ZNF136: variants seen among roughly 807,000 people sequenced by gnomAD.
The protein encoded by ZNF136 is zinc finger protein 136.
In ZNF136, 8 loss-of-function variants were observed where a neutral mutation model predicts 11.4. The ratio of observed to expected loss-of-function variants is 0.70; its 90% CI spans 0.41 to 1.27. The LOEUF is 1.27. Among genes scored for constraint, ZNF136 ranks in the 50% most tolerant of loss-of-function variants. The pLI, the probability that ZNF136 is intolerant of heterozygous loss-of-function variation, is 0.01. For missense variants in ZNF136, 590 were observed against 656.5 expected, an observed-to-expected ratio of 0.90 and a Z score of 1.11; for synonymous variants, 190 against 207.1, an observed-to-expected ratio of 0.92 and a Z score of 0.71.
In ZNF136 at chr19:12,166,236, AAAG is replaced by A. The variant is rs373277200; in HGVS notation, c.3+3033_3+3035del. On this transcript the variant is annotated intron_variant, in intron 1 of 3. Transcript: ENST00000343979. The stretch of plus-strand genomic sequence containing the variant: ...GAGCAAGACTCCGTCTCAAAAAAAA[AAAG>A]AAAAAAAATTTAAACTGCTTAACAA... 2.2e-3 allele frequency among the ~76,000 whole-genome samples: 331 copies of A among 152,230 alleles called. 1 individual carries two copies. The highest frequency in any genetic ancestry group is 7.4e-3 in the African/African-American group (309 of 41,490).
At chr19:12,169,342 T>G (rs766488612) in intron 1 of ZNF136, 3 of 152,282 alleles carry the variant, frequency 2.0e-5, no homozygotes, top group Non-Finnish European at 4.4e-5. Flanking sequence ...CTGGTGAGAA[T>G]TAAGACCCTG....
In ZNF136 at chr19:12,174,156, C is replaced by T. The variant is rs566184976; in HGVS notation, c.3+10950C>T. ...CTGGCCTCAGGTGATCTGCCCGCCTCGGCCTCCCAAAGTGCTGAGATTACA... is the reference window on the plus strand; with the variant it reads ...CTGGCCTCAGGTGATCTGCCCGCCTTGGCCTCCCAAAGTGCTGAGATTACA... On this transcript the variant is annotated intron_variant, in intron 1 of 3. Coordinates refer to ENST00000343979, the MANE Select transcript of ZNF136 (RefSeq NM_003437.5). 1.6e-4 allele frequency among the ~76,000 whole-genome samples: 24 copies of T among 152,278 alleles called. 1 individual carries two copies. In the South Asian group the frequency reaches 3.7e-3, roughly 24 times the overall value.
At position 12,189,703 on chromosome 19, in the gene ZNF136, AGTT is replaced by A. The variant is rs1170118456; in HGVS notation, c.*1709_*1711del. Reference sequence around the variant, plus strand: ...AATTTTATTTTGCTTCCTATTAAAGAGTTGTTGTTAATTCTAAGTATGTAAAGT... The same window carrying A: ...AATTTTATTTTGCTTCCTATTAAAGAGTTGTTAATTCTAAGTATGTAAAGT... On this transcript the variant is annotated 3_prime_UTR_variant, in exon 4 of 4. Transcript: ENST00000343979. 1.3e-5 allele frequency: 2 copies of A among 151,574 alleles called. No homozygotes were observed. The highest frequency in any genetic ancestry group is 2.4e-5 in the African/African-American group (1 of 41,196). 9.4% of individuals were successfully genotyped at this position (151,574 alleles called of 1,614,324 possible). A position where few individuals can be genotyped will look rare whatever the true frequency, so the allele number is the denominator to read the frequency against.
chr19:12,180,910 A>T (rs1450805533), intron 1 of ZNF136, among the ~76,000 whole-genome samples: 1 of 152,250 alleles, frequency 6.6e-6, no homozygotes, highest in Non-Finnish European at 1.5e-5. Flanking sequence ...CTGTTGAAAC[A>T]TCTTAAGTGT....
chr19:12,186,648 G>T lies in ZNF136; in HGVS notation c.270G>T (p.Gln90His). The T allele has an allele frequency of 1.2e-6, 2 of 1,614,126 alleles. No homozygotes were observed. Among genetic ancestry groups the T allele is most frequent in the Non-Finnish European group, 1.7e-6 (2 of 1,179,994 alleles). Reference sequence around the variant, plus strand: ...GAATTTTTAGCCAGTTTGCAAATCAGAATCTGAGCAAGAAAATCCCTGGAG... The same window carrying T: ...GAATTTTTAGCCAGTTTGCAAATCATAATCTGAGCAAGAAAATCCCTGGAG... ...RGGIFSQFANQNLSKKIPGVK... is the reference protein window; with the variant it reads ...RGGIFSQFANHNLSKKIPGVK... The change falls in exon 4 of 4, where the codon CAG becomes CAT. Residue 90 changes from glutamine (Q) to histidine (H), a missense_variant. Physicochemically the swap from Gln to His is conservative, Grantham distance 24. Transcript: ENST00000343979.
Position 12,185,784 on chromosome 19 carries a change from G to T in ZNF136, c.4-1G>T. The T allele has an allele frequency of 6.2e-7, 1 of 1,613,038 alleles. No individual in the cohort carries two copies. Among genetic ancestry groups the T allele is most frequent in the Non-Finnish European group, 8.5e-7 (1 of 1,179,700 alleles). Reference sequence around the variant, plus strand: ...CTCTCCACATATGTGGGATGTTTCAGGACTCGGTGGCTTTTGAGGATGTAG... The same window carrying T: ...CTCTCCACATATGTGGGATGTTTCATGACTCGGTGGCTTTTGAGGATGTAG... On this transcript the variant is annotated splice_acceptor_variant, in intron 1 of 3. Coordinates refer to ENST00000343979, the MANE Select transcript of ZNF136 (RefSeq NM_003437.5). LOFTEE classifies it high-confidence loss of function.
intron 1 of ZNF136, among the ~76,000 whole-genome samples, chr19:12,168,770 G>A (rs1312642399): frequency 6.6e-6 from 1 of 151,902 alleles, no homozygotes; most frequent in Non-Finnish European, 1.5e-5. Context: ...CCACCTCCCG[G>A]GTTCAAGCGA....
chr19:12,187,687 A>G lies in ZNF136; in HGVS notation c.1309A>G (p.Ile437Val). The change falls in exon 4 of 4, where the codon ATA becomes GTA. Residue 437 changes from isoleucine (I) to valine (V), a missense_variant. By Grantham distance (29) the Ile-to-Val change is conservative. Transcript: ENST00000343979. ...KAFVSSTSIR[I>V]HERTHTGEKP... Reference sequence around the variant, plus strand: ...TTTCGTTTCTTCAACATCAATTCGAATACATGAAAGAACTCATACTGGAGA... The same window carrying G: ...TTTCGTTTCTTCAACATCAATTCGAGTACATGAAAGAACTCATACTGGAGA... 1 of 1,614,138 alleles carries G rather than the reference A, an allele frequency of 6.2e-7. No individual in the cohort carries two copies. Among genetic ancestry groups the G allele is most frequent in the South Asian group, 1.1e-5 (1 of 91,080 alleles).
intron 1 of ZNF136, among the ~76,000 whole-genome samples, chr19:12,179,871 A>AT (rs879492095): frequency 1.6e-3 from 231 of 147,126 alleles, no homozygotes; most frequent in African/African-American, 2.8e-3. Context: ...ACTATTGATA[A>AT]TTTTTTTTTT....
chr19:12,185,504 A>C, intron 1 of ZNF136: 1 of 278,354 alleles, frequency 3.6e-6, no homozygotes, highest in South Asian at 6.5e-5. Flanking sequence ...GACAGGTTCT[A>C]CAGGTCCACT....
chr19:12,177,788 A>G (rs1914838415), intron 1 of ZNF136, among the ~76,000 whole-genome samples: 1 of 152,202 alleles, frequency 6.6e-6, no homozygotes, highest in South Asian at 2.1e-4. Flanking sequence ...CTTTTCAGAA[A>G]TGTCTGTTTA....
chr19:12,181,036 C>T (rs1914926995), intron 1 of ZNF136, among the ~76,000 whole-genome samples: 7 of 152,220 alleles, frequency 4.6e-5, no homozygotes, highest in Admixed American at 4.6e-4. Flanking sequence ...TGCCCCCAAC[C>T]TCACCCCACC....
At chr19:12,166,056 C>T (rs536451892) in intron 1 of ZNF136, among the ~76,000 whole-genome samples, 3 of 152,094 alleles carry the variant, frequency 2.0e-5, no homozygotes, top group South Asian at 2.1e-4. Context: ...GGTGAAAACT[C>T]GTCTCTGCTA....
chr19:12,177,438 G>C (rs1914829746), intron 1 of ZNF136, among the ~76,000 whole-genome samples: 1 of 152,096 alleles, frequency 6.6e-6, no homozygotes, highest in African/African-American at 2.4e-5. Context: ...TACCTCCCGG[G>C]TCCCAGTTCA....
intron 1 of ZNF136, among the ~76,000 whole-genome samples, chr19:12,179,424 C>T (rs1351818528): frequency 6.6e-6 from 1 of 151,800 alleles, no homozygotes; most frequent in Non-Finnish European, 1.5e-5. Context: ...TATTCTCCTG[C>T]CTCACCCTCC....
chr19:12,164,591 T>C (rs1425625288), intron 1 of ZNF136: 1 of 152,270 alleles, frequency 6.6e-6, no homozygotes, highest in Non-Finnish European at 1.5e-5. Context: ...TACAGGCGCA[T>C]GCCACCACGC....
intron 1 of ZNF136, among the ~76,000 whole-genome samples, chr19:12,182,083 C>T (rs1041288482): frequency 2.0e-5 from 3 of 152,188 alleles, no homozygotes; most frequent in African/African-American, 7.2e-5. Context: ...ACTATTTGTC[C>T]TTCCTTCTCC....
chr19:12,186,431 T>C, intron 3 of ZNF136, 139 bp from the exon 4 acceptor site: 1 of 832,162 alleles, frequency 1.2e-6, no homozygotes, highest in Non-Finnish European at 1.8e-6. Context: ...TGCAGAGCAT[T>C]GAATTCATTC....
chr19:12,189,360 T>A lies in ZNF136; in HGVS notation c.*1359T>A, dbSNP rs1915198192. The A allele has an allele frequency of 6.6e-6, 1 of 152,246 alleles. No individual in the cohort carries two copies. The highest frequency in any genetic ancestry group is 2.4e-5 in the African/African-American group (1 of 41,446). The allele number at this position is 152,246 out of a possible 1,614,324, so 9.4% of individuals were successfully genotyped here. A position where few individuals can be genotyped will look rare whatever the true frequency, so the allele number is the denominator to read the frequency against. ...TTTTTCTTTTTTCTTTCTTCTTTTT[T>A]CTTTTTGAGACAGGGTCTCGCTCTG... On this transcript the variant is annotated 3_prime_UTR_variant, in exon 4 of 4. Transcript: ENST00000343979.
Sources: allele counts gnomAD v4.1 joint callset (sites outside exome capture counted in the v4.1 genomes callset), GRCh38; gene constraint gnomAD v4.1.1; transcripts MANE v1.5; gene names NCBI Gene and HGNC (gene_info 2026-07-23, HGNC 2026-07-21).